Variants in CDH18 observed in about 807,000 individuals in gnomAD.
CDH18 encodes cadherin 18.
Under a neutral mutation model 67.9 loss-of-function variants are expected in CDH18, and 31 were observed. That is an observed-to-expected ratio of 0.46 (90% CI 0.34 to 0.62). The LOEUF is 0.62. CDH18 is among the 20% of genes least tolerant of loss of function. The pLI is 0.01. For synonymous variants in CDH18, 362 were observed against 347.2 expected (o/e 1.04, Z -0.48); for missense variants, 890 against 975.5 (o/e 0.91, Z 1.17).
At chr5:20,358,962 C>T in intron 1 of CDH18, among the ~76,000 whole-genome samples, 2 of 121,380 alleles carry the variant, frequency 1.6e-5, no homozygotes, top group Non-Finnish European at 1.6e-5. Flanking sequence ...GACGGAGTTT[C>T]ACTCTTGTTG....
intron 2 of CDH18, among the ~76,000 whole-genome samples, chr5:20,226,632 C>G (rs998721469): frequency 1.3e-5 from 2 of 152,136 alleles, no homozygotes; most frequent in South Asian, 4.1e-4. Context: ...CATATCTTTT[C>G]TTATTGCTGA....
chr5:20,448,126 A>C (rs2150202151), intron 1 of CDH18, among the ~76,000 whole-genome samples: 1 of 149,686 alleles, frequency 6.7e-6, no homozygotes, highest in African/African-American at 2.5e-5. Flanking sequence ...TTCAATTCCC[A>C]CCTATGATTG....
intron 1 of CDH18, among the ~76,000 whole-genome samples, chr5:20,438,513 C>T (rs1192239599): frequency 2.6e-5 from 4 of 151,330 alleles, no homozygotes; most frequent in South Asian, 4.2e-4. Flanking sequence ...CCTCTTTAGA[C>T]ATGGGAGATG....
At chr5:20,534,539 T>C (rs1291430578) in intron 1 of CDH18, among the ~76,000 whole-genome samples, 1 of 152,076 alleles carries the variant, frequency 6.6e-6, no homozygotes, top group Admixed American at 6.6e-5. Context: ...AAGGTCACTT[T>C]TTTGTCTGTC....
intron 6 of CDH18, among the ~76,000 whole-genome samples, chr5:19,598,937 T>C (rs1030840885): frequency 6.6e-6 from 1 of 152,122 alleles, no homozygotes; most frequent in African/African-American, 2.4e-5. Context: ...AAAGGGTTAT[T>C]TATAACTATG....
chr5:20,546,314 C>T (rs1302752424), intron 1 of CDH18, among the ~76,000 whole-genome samples: 1 of 152,128 alleles, frequency 6.6e-6, no homozygotes, highest in Non-Finnish European at 1.5e-5. Context: ...GTTCCAAACT[C>T]ATTTCCACAT....
chr5:20,199,962 C>A (rs760422170), intron 2 of CDH18, among the ~76,000 whole-genome samples: 1 of 152,108 alleles, frequency 6.6e-6, no homozygotes, highest in African/African-American at 2.4e-5. Flanking sequence ...CTGAGGCCTC[C>A]CCGGCCATAT....
chr5:20,435,406 A>G (rs949301571), intron 1 of CDH18, among the ~76,000 whole-genome samples: 1 of 152,038 alleles, frequency 6.6e-6, no homozygotes, highest in African/African-American at 2.4e-5. Context: ...TTCAAAATTC[A>G]TGTCCATCAG....
chr5:19,881,742 G>A (rs1180685762), intron 2 of CDH18, among the ~76,000 whole-genome samples: 1 of 151,924 alleles, frequency 6.6e-6, no homozygotes, highest in Non-Finnish European at 1.5e-5. Context: ...TTGACCTCAG[G>A]TGATCCACCC....
chr5:20,485,747 T>C (rs1753126322), intron 1 of CDH18, among the ~76,000 whole-genome samples: 1 of 152,168 alleles, frequency 6.6e-6, no homozygotes, highest in South Asian at 2.1e-4. Flanking sequence ...CTTTATGCTT[T>C]CAGCGAGTAA....
intron 1 of CDH18, among the ~76,000 whole-genome samples, chr5:20,447,881 CTTATT>C (rs1042265434): frequency 4.6e-4 from 70 of 151,880 alleles, no homozygotes; most frequent in South Asian, 1.7e-3. Flanking sequence ...TTTGAGATCT[CTTATT>C]TTATTTTATT....
At chr5:20,476,360 C>G (rs979188872) in intron 1 of CDH18, among the ~76,000 whole-genome samples, 2 of 141,306 alleles carry the variant, frequency 1.4e-5, no homozygotes, top group African/African-American at 5.5e-5. Flanking sequence ...AAAAAAAAAG[C>G]CTGAAAATAA....
intron 1 of CDH18, among the ~76,000 whole-genome samples, chr5:19,982,236 G>C (rs1041421166): frequency 3.7e-4 from 56 of 152,100 alleles, no homozygotes; most frequent in African/African-American, 1.3e-3. Context: ...CTCAAAAAGT[G>C]GGTTCTCCAT....
At chr5:19,553,430 T>A (rs2127156978) in intron 8 of CDH18, among the ~76,000 whole-genome samples, 1 of 151,526 alleles carries the variant, frequency 6.6e-6, no homozygotes, top group East Asian at 1.9e-4. Context: ...AAAAAATAAA[T>A]AAATAAATAA....
chr5:20,377,524 G>A lies in CDH18; in HGVS notation c.-579-122019C>T, dbSNP rs549441313. On this transcript the variant is annotated intron_variant, in intron 1 of 14. Coordinates refer to the CDH18 transcript ENST00000507958. The stretch of plus-strand genomic sequence containing the variant: ...CAAAGTGTCTCAAGTACTGTTATTC[G>A]AATCTAGAAATATTAAAACGTTAAA... Among the ~76,000 whole-genome samples the A allele has an allele frequency of 1.4e-4, 22 of 152,114 alleles. No individual in the cohort carries two copies. In the South Asian group the frequency reaches 3.1e-3, roughly 22 times the overall value.
At chr5:19,831,700 C>G (rs1459895076) in intron 3 of CDH18, among the ~76,000 whole-genome samples, 1 of 151,970 alleles carries the variant, frequency 6.6e-6, no homozygotes, top group Non-Finnish European at 1.5e-5. Context: ...AGAGATTTCT[C>G]AAAGAACTAG....
At chr5:20,285,417 TATAATATAATC>T (rs1398083725) in intron 1 of CDH18, among the ~76,000 whole-genome samples, 3 of 142,066 alleles carry the variant, frequency 2.1e-5, no homozygotes, top group African/African-American at 2.6e-5. Flanking sequence ...TATAATATAA[TATAATATAATC>T]ATAATATAAT....
chr5:20,457,009 A>G (rs2150216253), intron 1 of CDH18, among the ~76,000 whole-genome samples: 1 of 152,342 alleles, frequency 6.6e-6, no homozygotes, highest in African/African-American at 2.4e-5. Context: ...AAACCAAAAT[A>G]CATTTGTAAT....
chr5:20,205,976 A>G (rs191984204), intron 2 of CDH18, among the ~76,000 whole-genome samples: 141 of 151,970 alleles, frequency 9.3e-4, no homozygotes, highest in Non-Finnish European at 1.8e-3. Context: ...GAATTAATAC[A>G]GGGGATGAAA....
Sources: gnomAD v4.1 joint callset for allele counts (sites outside exome capture counted in the v4.1 genomes callset) on GRCh38, gnomAD v4.1.1 for gene constraint, MANE v1.5 for transcripts, NCBI Gene and HGNC (gene_info 2026-07-23, HGNC 2026-07-21) for gene names.